RIN2: variants seen among roughly 807,000 people sequenced by gnomAD.
RIN2 encodes RAB5 interacting protein 2.
Under a neutral mutation model 78.0 loss-of-function variants are expected in RIN2, and 36 were observed. The ratio of observed to expected loss-of-function variants is 0.46; its 90% CI spans 0.35 to 0.61. The LOEUF (loss-of-function observed/expected upper bound fraction) is 0.61, where lower values mean the gene tolerates loss of function less well. RIN2 is among the 20% of genes least tolerant of loss of function. RIN2 has a pLI of 0.00. For missense variants in RIN2, 1,087 were observed against 1,159.7 expected (o/e 0.94, Z 0.91); for synonymous variants, 466 against 466.8 (o/e 1.00, Z 0.02).
At chr20:19,784,628 G>T (rs949637957) in intron 1 of RIN2, among the ~76,000 whole-genome samples, 6 of 152,144 alleles carry the variant, frequency 3.9e-5, no homozygotes, top group African/African-American at 1.4e-4. Context: ...ATTACTAAGA[G>T]ACAAAATTCT....
chr20:19,857,478 A>G (rs1191738270), intron 2 of RIN2, among the ~76,000 whole-genome samples: 1 of 152,128 alleles, frequency 6.6e-6, no homozygotes, highest in African/African-American at 2.4e-5. Flanking sequence ...ACATACATCC[A>G]TTTATTTTGG....
intron 1 of RIN2, among the ~76,000 whole-genome samples, chr20:19,774,155 G>C (rs991610449): frequency 6.6e-6 from 1 of 151,990 alleles, no homozygotes; most frequent in East Asian, 1.9e-4. Context: ...TCAAGACAGA[G>C]CTCAGGTTTC....
chr20:19,798,008 C>T (rs1415694019), intron 1 of RIN2, among the ~76,000 whole-genome samples: 6 of 151,900 alleles, frequency 3.9e-5, no homozygotes, highest in African/African-American at 1.2e-4. Context: ...CCTGCCACCA[C>T]GCCCGGCTAA....
intron 2 of RIN2, among the ~76,000 whole-genome samples, chr20:19,862,024 C>T (rs926174124): frequency 1.3e-4 from 20 of 152,028 alleles, no homozygotes; most frequent in South Asian, 4.1e-4. Flanking sequence ...TGATGATCAC[C>T]CTCCATATCT....
chr20:19,952,485 A>T (rs943715973), intron 4 of RIN2, among the ~76,000 whole-genome samples: 1 of 152,238 alleles, frequency 6.6e-6, no homozygotes, highest in Non-Finnish European at 1.5e-5. Context: ...TGGCTGAATC[A>T]AGGTGTCAGC....
intron 2 of RIN2, among the ~76,000 whole-genome samples, chr20:19,831,157 C>G (rs1318951047): frequency 6.6e-6 from 1 of 152,202 alleles, no homozygotes; most frequent in Non-Finnish European, 1.5e-5. Context: ...TCCCAGGGCA[C>G]CCAATTCACC....
At chr20:19,908,742 G>GC (rs1305643553) in intron 3 of RIN2, among the ~76,000 whole-genome samples, 2 of 152,204 alleles carry the variant, frequency 1.3e-5, no homozygotes, top group Non-Finnish European at 2.9e-5. Context: ...GAAGTTGGCG[G>GC]CCCTCCTTCC....
chr20:19,853,190 T>C (rs2037048592), intron 2 of RIN2, among the ~76,000 whole-genome samples: 1 of 152,066 alleles, frequency 6.6e-6, no homozygotes, highest in Non-Finnish European at 1.5e-5. Flanking sequence ...GCTTCATCCA[T>C]GTCCCTACAA....
intron 3 of RIN2, among the ~76,000 whole-genome samples, chr20:19,908,223 G>A (rs1398154384): frequency 1.3e-5 from 2 of 152,154 alleles, no homozygotes; most frequent in African/African-American, 4.8e-5. Context: ...CAGGCGCGGT[G>A]GCTCACACCT....
At chr20:19,827,033 T>C (rs1217330694) in intron 2 of RIN2, among the ~76,000 whole-genome samples, 1 of 146,202 alleles carries the variant, frequency 6.8e-6, no homozygotes, top group Non-Finnish European at 1.5e-5. Flanking sequence ...TGGAGTACAG[T>C]GGTGCAATCT....
At chr20:19,758,954 T>A (rs1323982615) in intron 1 of RIN2, among the ~76,000 whole-genome samples, 1 of 152,132 alleles carries the variant, frequency 6.6e-6, no homozygotes, top group Non-Finnish European at 1.5e-5. Context: ...GTCGCGGTGA[T>A]TGATGGCTGC....
chr20:19,860,504 G>A (rs763582443), intron 2 of RIN2, among the ~76,000 whole-genome samples: 3 of 148,840 alleles, frequency 2.0e-5, no homozygotes, highest in Non-Finnish European at 3.0e-5. Context: ...TGTATTTTTA[G>A]TAGAGACGGG....
chr20:19,813,216 G>A (rs73904806), intron 2 of RIN2, among the ~76,000 whole-genome samples: 141 of 152,328 alleles, frequency 9.3e-4, no homozygotes, highest in African/African-American at 3.0e-3. Flanking sequence ...AATCAACTGC[G>A]TGCCTGCAGC....
At chr20:19,948,668 A>G (rs923015789) in intron 4 of RIN2, among the ~76,000 whole-genome samples, 4 of 152,208 alleles carry the variant, frequency 2.6e-5, no homozygotes, top group Admixed American at 2.6e-4. Flanking sequence ...TTCTTAAAAA[A>G]AATCAGGCAC....
chr20:19,962,682 A>C (rs2041803557), intron 6 of RIN2, among the ~76,000 whole-genome samples: 1 of 152,132 alleles, frequency 6.6e-6, no homozygotes, highest in Non-Finnish European at 1.5e-5. Flanking sequence ...CTGTGAATTG[A>C]GGTGAAGGAA....
At chr20:19,988,852 C>A (rs1315279072) in intron 9 of RIN2, among the ~76,000 whole-genome samples, 1 of 151,894 alleles carries the variant, frequency 6.6e-6, no homozygotes, top group African/African-American at 2.4e-5. Flanking sequence ...ACTCAGATTC[C>A]CAAATGTTAG....
intron 8 of RIN2, among the ~76,000 whole-genome samples, chr20:19,971,209 G>A (rs62200444): frequency 7.9e-5 from 12 of 151,460 alleles, no homozygotes; most frequent in Admixed American, 4.6e-4. Flanking sequence ...AGGGGCACAC[G>A]GGCATTGACG....
intron 2 of RIN2, among the ~76,000 whole-genome samples, chr20:19,880,024 G>A (rs571090272): frequency 2.6e-5 from 4 of 152,184 alleles, no homozygotes; most frequent in African/African-American, 7.2e-5. Context: ...CAAGGCGGTC[G>A]GATCACTTGA....
intron 5 of RIN2, among the ~76,000 whole-genome samples, chr20:19,957,145 G>A (rs746558200): frequency 6.6e-6 from 1 of 152,162 alleles, no homozygotes; most frequent in South Asian, 2.1e-4. Flanking sequence ...TGAGATCCTT[G>A]GTGGCCTCTG....
Sources: gnomAD v4.1 joint callset for allele counts (sites outside exome capture counted in the v4.1 genomes callset) on GRCh38, gnomAD v4.1.1 for gene constraint, MANE v1.5 for transcripts, NCBI Gene and HGNC (gene_info 2026-07-23, HGNC 2026-07-21) for gene names.